MAGI2: variants seen among roughly 807,000 people sequenced by gnomAD.
MAGI2 encodes the protein membrane associated guanylate kinase, WW and PDZ domain containing 2, also known as membrane-associated guanylate kinase, WW and PDZ domain-containing protein 2.
Under a neutral mutation model 133.3 loss-of-function variants are expected in MAGI2, and 35 were observed. The ratio of observed to expected loss-of-function variants is 0.26; its 90% CI spans 0.20 to 0.35. The LOEUF (loss-of-function observed/expected upper bound fraction) is 0.35. Ranked by LOEUF, MAGI2 falls within the 10% of genes least tolerant of loss-of-function variation. MAGI2 has a pLI of 1.00. For missense variants in MAGI2, 1,636 were observed against 1,863.4 expected, an observed-to-expected ratio of 0.88 and a Z score of 2.25; for synonymous variants, 729 against 710.6, an observed-to-expected ratio of 1.03 and a Z score of -0.41.
At chr7:78,887,265 C>A (rs1642897) in intron 2 of MAGI2, among the ~76,000 whole-genome samples, 24 of 152,096 alleles carry the variant, frequency 1.6e-4, no homozygotes, top group South Asian at 6.2e-4. Flanking sequence ...AAAGTAAATG[C>A]CAGCTAGTCA....
At chr7:78,965,486 T>C (rs892233873) in intron 2 of MAGI2, among the ~76,000 whole-genome samples, 1 of 151,954 alleles carries the variant, frequency 6.6e-6, no homozygotes, top group Non-Finnish European at 1.5e-5. Context: ...TGGGCTATTT[T>C]AAGTGAGGGT....
At chr7:78,777,849 C>G (rs1826104972) in intron 2 of MAGI2, among the ~76,000 whole-genome samples, 1 of 150,542 alleles carries the variant, frequency 6.6e-6, no homozygotes, top group Non-Finnish European at 1.5e-5. Context: ...TCACCATAAA[C>G]AAGTCTCAGG....
In MAGI2 at chr7:78,918,238, T is replaced by A. The variant is rs954349565; in HGVS notation, c.418+88852A>T. On this transcript the variant is annotated intron_variant, in intron 2 of 21. Coordinates refer to ENST00000354212, the MANE Select transcript of MAGI2 (RefSeq NM_012301.4). Reference sequence around the variant, plus strand: ...AGGAACCAGGGACAAAGACTAGATATCTATTTCTTACTATGCCACAGCCAT... The same window carrying A: ...AGGAACCAGGGACAAAGACTAGATAACTATTTCTTACTATGCCACAGCCAT... 3.9e-5 allele frequency among the ~76,000 whole-genome samples: 6 copies of A among 152,144 alleles called. No individual in the cohort carries two copies. In the East Asian group the frequency reaches 1.2e-3, roughly 29 times the overall value.
At chr7:78,190,192 T>C (rs1828071536) in intron 12 of MAGI2, among the ~76,000 whole-genome samples, 1 of 152,218 alleles carries the variant, frequency 6.6e-6, no homozygotes, top group South Asian at 2.1e-4. Context: ...TGCCATGCAC[T>C]AGATTTGTAC....
At chr7:78,572,101 A>G (rs529751852) in intron 3 of MAGI2, among the ~76,000 whole-genome samples, 25 of 152,308 alleles carry the variant, frequency 1.6e-4, no homozygotes, top group African/African-American at 4.6e-4. Context: ...CTAAAACTAA[A>G]TAAGAGGCAA....
At chr7:78,159,818 T>G (rs2150606583) in intron 16 of MAGI2, 1 of 451,316 alleles carries the variant, frequency 2.2e-6, no homozygotes, top group South Asian at 7.1e-5. Context: ...GGGCATTAGT[T>G]GTGTTCTTGC....
Position 78,876,611 on chromosome 7 carries a change from T to C in MAGI2, c.418+130479A>G, listed in dbSNP as rs536161884. Among the ~76,000 whole-genome samples the C allele has an allele frequency of 3.9e-5, 6 of 152,174 alleles. No individual in the cohort carries two copies. The South Asian group carries it at 1.2e-3, about 32-fold the overall frequency. ...GAAGGAGGAATGGAAGGGATATGAATGTTGAAAACAGCAAAAGAAAAATGA... is the reference window on the plus strand; with the variant it reads ...GAAGGAGGAATGGAAGGGATATGAACGTTGAAAACAGCAAAAGAAAAATGA... On this transcript the variant is annotated intron_variant, in intron 2 of 21. Coordinates refer to ENST00000354212, the MANE Select transcript of MAGI2 (RefSeq NM_012301.4).
intron 2 of MAGI2, among the ~76,000 whole-genome samples, chr7:78,783,766 T>A (rs1348420778): frequency 1.3e-5 from 2 of 152,184 alleles, no homozygotes; most frequent in Non-Finnish European, 2.9e-5. Context: ...AGCAGTGCTG[T>A]ACTGACGAAC....
At chr7:79,039,755 T>C (rs1181601611) in intron 1 of MAGI2, among the ~76,000 whole-genome samples, 1 of 150,426 alleles carries the variant, frequency 6.6e-6, no homozygotes, top group Non-Finnish European at 1.5e-5. Context: ...GCCAAGGTGG[T>C]CAGATCACTT....
intron 9 of MAGI2, among the ~76,000 whole-genome samples, chr7:78,301,702 C>CT (rs1214607055): frequency 6.6e-6 from 1 of 152,196 alleles, no homozygotes; most frequent in Non-Finnish European, 1.5e-5. Context: ...AAGTCTTATG[C>CT]TAGCTTCCTG....
At chr7:79,270,326 C>T (rs1429904474) in intron 1 of MAGI2, among the ~76,000 whole-genome samples, 1 of 152,100 alleles carries the variant, frequency 6.6e-6, no homozygotes, top group Non-Finnish European at 1.5e-5. Context: ...ATGCCACAGT[C>T]TCAGTGAATT....
chr7:78,790,406 AT>A (rs1209924811), intron 2 of MAGI2, among the ~76,000 whole-genome samples: 1 of 152,128 alleles, frequency 6.6e-6, no homozygotes, highest in Non-Finnish European at 1.5e-5. Flanking sequence ...TTCTGTTGAA[AT>A]TTAGATCACT....
Position 78,256,425 on chromosome 7 carries a change from C to G in MAGI2, c.1565G>C (p.Ser522Thr), listed in dbSNP as rs1792984432. 1.9e-6 allele frequency: 3 copies of G among 1,613,890 alleles called. No homozygotes were observed. Among genetic ancestry groups the G allele is most frequent in the East Asian group, 2.2e-5 (1 of 44,772 alleles). The change falls in exon 10 of 22, where the codon AGC (serine) becomes ACC (threonine). Residue 522 changes from serine (S) to threonine (T), a missense_variant. This residue lies in a region of MAGI2 where 920 missense variants were observed against 1,093.5 expected (regional missense o/e 0.84). Coordinates refer to ENST00000354212, the MANE Select transcript of MAGI2 (RefSeq NM_012301.4). ...LPFDPEDPAN[S>T]MVPPLAIMER... Reference sequence around the variant, plus strand: ...CATTATTGCAAGGGGTGGCACCATGCTGTTAGCAGGGTCTTCAGGATCAAA... The same window carrying G: ...CATTATTGCAAGGGGTGGCACCATGGTGTTAGCAGGGTCTTCAGGATCAAA...
At chr7:78,827,972 C>T (rs1018134996) in intron 2 of MAGI2, among the ~76,000 whole-genome samples, 1 of 152,116 alleles carries the variant, frequency 6.6e-6, no homozygotes, top group African/African-American at 2.4e-5. Context: ...GCAACCTCCG[C>T]CTCCCAGGTT....
Position 79,118,765 on chromosome 7 carries a change from T to C in MAGI2, c.302-111559A>G, listed in dbSNP as rs967421001. On this transcript the variant is annotated intron_variant, in intron 1 of 21. Coordinates refer to ENST00000354212, the MANE Select transcript of MAGI2 (RefSeq NM_012301.4). ...ACTACCCATATCCCTCATGACCTCC[T>C]CCCTGATTCCACTGGCCCATGACTA... Among the ~76,000 whole-genome samples the C allele has an allele frequency of 2.0e-5, 3 of 152,126 alleles. No homozygotes were observed. In the East Asian group the frequency reaches 5.8e-4, roughly 29 times the overall value.
chr7:79,439,314 C>A (rs1164725077), intron 1 of MAGI2, among the ~76,000 whole-genome samples: 1 of 152,070 alleles, frequency 6.6e-6, no homozygotes, highest in Non-Finnish European at 1.5e-5. Flanking sequence ...TTCCACCTGT[C>A]CTATCTTCTT....
At chr7:79,355,302 A>C (rs1841948522) in intron 1 of MAGI2, among the ~76,000 whole-genome samples, 1 of 152,182 alleles carries the variant, frequency 6.6e-6, no homozygotes. Flanking sequence ...GCATGTGAAT[A>C]AAATGGCATT....
chr7:79,231,871 C>A (rs1239678165), intron 1 of MAGI2, among the ~76,000 whole-genome samples: 2 of 151,880 alleles, frequency 1.3e-5, no homozygotes, highest in Non-Finnish European at 2.9e-5. Context: ...TGTCTTGTGC[C>A]AGTTTTCAAA....
intron 1 of MAGI2, among the ~76,000 whole-genome samples, chr7:79,071,876 T>C (rs910014998): frequency 1.3e-5 from 2 of 152,162 alleles, no homozygotes. Flanking sequence ...TTCAAGCCTG[T>C]GGATCTTAGC....
Sources: gnomAD v4.1 joint callset for allele counts (sites outside exome capture counted in the v4.1 genomes callset) on GRCh38, gnomAD v4.1.1 for gene constraint, gnomAD v4.1.1 regional missense constraint, MANE v1.5 for transcripts, NCBI Gene and HGNC (gene_info 2026-07-23, HGNC 2026-07-21) for gene names.